Variants in PALM2AKAP2 observed in about 807,000 individuals in gnomAD.
PALM2AKAP2 encodes PALM2 and AKAP2 fusion.
PALM2AKAP2 carries 37 observed loss-of-function variants against 71.5 expected under a neutral mutation model. The observed-to-expected ratio is 0.52, with a 90% CI of 0.40 to 0.68. The LOEUF (loss-of-function observed/expected upper bound fraction) is 0.68. Ranked by LOEUF, PALM2AKAP2 falls within the 30% of genes least tolerant of loss-of-function variation. The pLI is 0.00. For missense variants in PALM2AKAP2, 1,224 were observed against 1,191.8 expected (o/e 1.03, Z -0.40); for synonymous variants, 468 against 478.8 (o/e 0.98, Z 0.29).
intron 1 of PALM2AKAP2, among the ~76,000 whole-genome samples, chr9:109,705,771 C>A (rs866773797): frequency 3.9e-5 from 6 of 152,210 alleles, no homozygotes; most frequent in East Asian, 1.9e-4. Flanking sequence ...CACTTACTAA[C>A]TGTATGCTTT....
intron 5 of PALM2AKAP2, 104 bp downstream of exon 5, chr9:109,925,186 A>T (rs1446420271): frequency 6.4e-7 from 1 of 1,554,720 alleles, no homozygotes; most frequent in African/African-American, 1.4e-5. Context: ...TTGATTTGTA[A>T]AGGCATCAGA....
intron 1 of PALM2AKAP2, among the ~76,000 whole-genome samples, chr9:109,814,119 G>T (rs1827793122): frequency 6.6e-6 from 1 of 152,218 alleles, no homozygotes; most frequent in Non-Finnish European, 1.5e-5. Flanking sequence ...GTGAAGGTTT[G>T]TAATGCCCTT....
intron 1 of PALM2AKAP2, among the ~76,000 whole-genome samples, chr9:109,795,006 A>G (rs1349371031): frequency 2.0e-5 from 3 of 152,222 alleles, no homozygotes; most frequent in African/African-American, 4.8e-5. Flanking sequence ...TAGATGGGCT[A>G]CTTCTGAGCA....
intron 6 of PALM2AKAP2, among the ~76,000 whole-genome samples, chr9:109,961,640 G>A (rs1207025121): frequency 1.3e-5 from 2 of 152,140 alleles, no homozygotes; most frequent in Non-Finnish European, 2.9e-5. Flanking sequence ...ATGGAGATGG[G>A]CATCTCTGCT....
intron 1 of PALM2AKAP2, among the ~76,000 whole-genome samples, chr9:110,078,861 A>G (rs1203476237): frequency 1.3e-5 from 2 of 152,212 alleles, no homozygotes; most frequent in African/African-American, 4.8e-5. Context: ...GGTGTGGAAA[A>G]TGGCAGTGGT....
intron 3 of PALM2AKAP2, among the ~76,000 whole-genome samples, chr9:109,881,225 T>C (rs1447877628): frequency 1.3e-5 from 2 of 152,238 alleles, no homozygotes; most frequent in Admixed American, 6.5e-5. Flanking sequence ...TCATCCTTTT[T>C]TGTGGCTGCA....
intron 1 of PALM2AKAP2, among the ~76,000 whole-genome samples, chr9:109,694,646 A>G (rs929277273): frequency 1.3e-5 from 2 of 152,116 alleles, no homozygotes; most frequent in African/African-American, 4.8e-5. Context: ...CTACAAAGTT[A>G]AAATAATGCC....
At chr9:109,729,595 G>A (rs1828525235) in intron 1 of PALM2AKAP2, among the ~76,000 whole-genome samples, 1 of 152,188 alleles carries the variant, frequency 6.6e-6, no homozygotes, top group Non-Finnish European at 1.5e-5. Flanking sequence ...TTCCCCAACA[G>A]CCCCTTGGTA....
chr9:109,794,293 C>T (rs1244875257), intron 1 of PALM2AKAP2, among the ~76,000 whole-genome samples: 1 of 151,858 alleles, frequency 6.6e-6, no homozygotes, highest in African/African-American at 2.4e-5. Flanking sequence ...AATCTGATCT[C>T]TTAGGGTTAA....
intron 1 of PALM2AKAP2, among the ~76,000 whole-genome samples, chr9:109,761,739 T>C (rs1347959067): frequency 6.6e-6 from 1 of 152,244 alleles, no homozygotes; most frequent in Non-Finnish European, 1.5e-5. Context: ...TTCCATGGTG[T>C]ATATGTGCCA....
chr9:109,814,049 T>G (rs900676927), intron 1 of PALM2AKAP2, among the ~76,000 whole-genome samples: 58 of 152,346 alleles, frequency 3.8e-4, no homozygotes, highest in African/African-American at 1.3e-3. Context: ...CCTTTGAATT[T>G]GTGCAAATAC....
intron 1 of PALM2AKAP2, among the ~76,000 whole-genome samples, chr9:109,830,806 G>A (rs147183111): frequency 0.014 from 2,067 of 152,224 alleles, 24 homozygotes; most frequent in Non-Finnish European, 0.021. Flanking sequence ...GTGACGCAGC[G>A]GAAGCCCAGG....
At chr9:110,125,960 G>A (rs1284838167) in intron 1 of PALM2AKAP2, among the ~76,000 whole-genome samples, 3 of 152,134 alleles carry the variant, frequency 2.0e-5, no homozygotes, top group Non-Finnish European at 2.9e-5. Context: ...AAAACCAAGT[G>A]ACTCGGTGAT....
chr9:109,811,390 G>T (rs1827722252), intron 1 of PALM2AKAP2, among the ~76,000 whole-genome samples: 1 of 152,020 alleles, frequency 6.6e-6, no homozygotes, highest in South Asian at 2.1e-4. Context: ...CAGTGAAGGG[G>T]TGGTAGAAAG....
intron 1 of PALM2AKAP2, among the ~76,000 whole-genome samples, chr9:109,674,639 C>T (rs1454673249): frequency 5.9e-5 from 9 of 151,916 alleles, no homozygotes; most frequent in Non-Finnish European, 1.3e-4. Context: ...CAACAAGTCC[C>T]TTTATATAGG....
chr9:110,007,035 G>T (rs1178835892), intron 6 of PALM2AKAP2, among the ~76,000 whole-genome samples: 1 of 152,180 alleles, frequency 6.6e-6, no homozygotes, highest in South Asian at 2.1e-4. Context: ...GTTCAGCTTT[G>T]GTGAGGGGTA....
At chr9:109,890,594 C>T (rs1830066096) in intron 3 of PALM2AKAP2, among the ~76,000 whole-genome samples, 1 of 152,172 alleles carries the variant, frequency 6.6e-6, no homozygotes, top group African/African-American at 2.4e-5. Context: ...TAAACCTTAA[C>T]AGTGGGAAAT....
At chr9:110,166,875 C>T (rs1446099175) in intron 3 of PALM2AKAP2, among the ~76,000 whole-genome samples, 2 of 152,090 alleles carry the variant, frequency 1.3e-5, no homozygotes, top group Non-Finnish European at 2.9e-5. Flanking sequence ...CTGGAGTTGC[C>T]AACTGTATTA....
In PALM2AKAP2 at chr9:109,802,360, G is replaced by T. The variant is rs574518073; in HGVS notation, c.45+21827G>T. ...AAATTCTTAATAACTTTTGGACCAG[G>T]AGCCCTGCATTTTCATTTTGCCCTG... On this transcript the variant is annotated intron_variant, in intron 1 of 9. Transcript: ENST00000302798. Among the ~76,000 whole-genome samples, 10 of 152,268 alleles carry T rather than the reference G, an allele frequency of 6.6e-5. No individual in the cohort carries two copies. In the South Asian group the frequency reaches 2.1e-3, roughly 32 times the overall value.
Sources: allele counts gnomAD v4.1 joint callset (sites outside exome capture counted in the v4.1 genomes callset), GRCh38; gene constraint gnomAD v4.1.1; transcripts MANE v1.5; gene names NCBI Gene and HGNC (gene_info 2026-07-23, HGNC 2026-07-21).